Variants in MSH3 observed in about 807,000 individuals in gnomAD.
MSH3 encodes DNA mismatch repair protein Msh3.
In MSH3, 106 loss-of-function variants were observed where a neutral mutation model predicts 123.3. The ratio of observed to expected loss-of-function variants is 0.86; its 90% confidence interval spans 0.73 to 1.01. MSH3 has a LOEUF of 1.01. MSH3 is among the 50% of genes least tolerant of loss of function. The pLI is 0.00. For synonymous variants in MSH3, 515 were observed against 481.4 expected (o/e 1.07, Z -0.91); for missense variants, 1,459 against 1,347.6 (o/e 1.08, Z -1.29).
chr5:80,802,189 G>A, intron 19 of MSH3, among the ~76,000 whole-genome samples: 1 of 151,640 alleles, frequency 6.6e-6, no homozygotes, highest in Non-Finnish European at 1.5e-5. Context: ...TTTTTTTTAA[G>A]AAATAGCCAT....
intron 19 of MSH3, among the ~76,000 whole-genome samples, chr5:80,797,203 T>A (rs1441708636): frequency 1.3e-5 from 2 of 152,028 alleles, no homozygotes; most frequent in Non-Finnish European, 2.9e-5. Flanking sequence ...CCCTCGCCAC[T>A]CTATTTCTCC....
chr5:80,729,924 G>A (rs1262921877), intron 10 of MSH3, among the ~76,000 whole-genome samples: 1 of 152,130 alleles, frequency 6.6e-6, no homozygotes, highest in Non-Finnish European at 1.5e-5. Context: ...AGGGGAGATA[G>A]GTGCTATCTC....
intron 19 of MSH3, among the ~76,000 whole-genome samples, chr5:80,800,944 G>T (rs1744779774): frequency 1.3e-5 from 2 of 152,200 alleles, no homozygotes; most frequent in African/African-American, 4.8e-5. Flanking sequence ...TGTAGATTGG[G>T]TGGTCAAGGA....
rs1475633334 is a variant in MSH3 at position 80,672,808 on chromosome 5, TTTCCCGG to T, written c.978_984del (p.Phe326LeufsTer3). Reference sequence around the variant, plus strand: ...ATTGGAGACAACAGAAGTTCACTCTTTTCCCGGAAATTGACTGCCCTTTATACAAAAT... The same window carrying T: ...ATTGGAGACAACAGAAGTTCACTCTTAAATTGACTGCCCTTTATACAAAAT... On this transcript the variant is annotated frameshift_variant, in exon 6 of 24. Coordinates refer to ENST00000265081, the MANE Select transcript of MSH3 (RefSeq NM_002439.5). LOFTEE classifies it high-confidence loss of function. 3 of 1,614,048 alleles carry T rather than the reference TTTCCCGG, an allele frequency of 1.9e-6. No homozygotes were observed. Among genetic ancestry groups the T allele is most frequent in the Admixed American group, 3.3e-5 (2 of 60,014 alleles).
At chr5:80,828,809 T>G (rs1422139078) in intron 20 of MSH3, among the ~76,000 whole-genome samples, 1 of 152,194 alleles carries the variant, frequency 6.6e-6, no homozygotes, top group Non-Finnish European at 1.5e-5. Flanking sequence ...TTCCATGTCT[T>G]GCTTCCTAGA....
intron 8 of MSH3, among the ~76,000 whole-genome samples, chr5:80,712,749 G>C (rs1750883915): frequency 6.6e-6 from 1 of 150,734 alleles, no homozygotes; most frequent in African/African-American, 2.4e-5. Flanking sequence ...TTCACGATGT[G>C]ATCTGTTTTC....
chr5:80,705,777 C>T (rs1313274216), intron 8 of MSH3, among the ~76,000 whole-genome samples: 1 of 152,206 alleles, frequency 6.6e-6, no homozygotes, highest in Non-Finnish European at 1.5e-5. Flanking sequence ...TTCATATCGT[C>T]TTTCCTCCAT....
intron 22 of MSH3, among the ~76,000 whole-genome samples, chr5:80,865,681 G>A (rs245340): frequency 6.6e-6 from 1 of 151,946 alleles, no homozygotes; most frequent in Non-Finnish European, 1.5e-5. Context: ...CTGTTCAGTA[G>A]TAATTGTTTT....
chr5:80,873,730 A>G (rs1448379362), intron 23 of MSH3, among the ~76,000 whole-genome samples: 1 of 152,214 alleles, frequency 6.6e-6, no homozygotes, highest in Non-Finnish European at 1.5e-5. Context: ...GTCAGTATCC[A>G]CATGTCACTT....
At chr5:80,787,164 C>T (rs372736873) in intron 17 of MSH3, among the ~76,000 whole-genome samples, 44 of 152,046 alleles carry the variant, frequency 2.9e-4, no homozygotes, top group Admixed American at 1.0e-3. Flanking sequence ...ACTGTTATTC[C>T]GGATTTGGAG....
At chr5:80,668,536 A>G (rs575848872) in intron 3 of MSH3, among the ~76,000 whole-genome samples, 13 of 152,302 alleles carry the variant, frequency 8.5e-5, no homozygotes, top group Non-Finnish European at 1.3e-4. Flanking sequence ...GGGGGCTGGC[A>G]TGTTAGCACT....
At chr5:80,697,217 A>T (rs1354668833) in intron 8 of MSH3, among the ~76,000 whole-genome samples, 1 of 152,180 alleles carries the variant, frequency 6.6e-6, no homozygotes, top group Non-Finnish European at 1.5e-5. Context: ...TACCAAGTGG[A>T]TTCAGAGAGC....
intron 12 of MSH3, among the ~76,000 whole-genome samples, chr5:80,753,953 C>T (rs1743880663): frequency 6.6e-6 from 1 of 152,182 alleles, no homozygotes; most frequent in Admixed American, 6.6e-5. Context: ...CCGATGGTCA[C>T]AGCTTACTGC....
intron 19 of MSH3, among the ~76,000 whole-genome samples, chr5:80,793,463 G>C (rs548133744): frequency 5.3e-5 from 8 of 152,324 alleles, no homozygotes; most frequent in African/African-American, 1.9e-4. Context: ...TGCATGGCAT[G>C]ATAGAGGAGA....
intron 21 of MSH3, among the ~76,000 whole-genome samples, chr5:80,856,779 A>T (rs1233130903): frequency 1.3e-5 from 2 of 152,202 alleles, no homozygotes; most frequent in African/African-American, 4.8e-5. Context: ...CCTTGCTGTA[A>T]TCACTTACTA....
Position 80,768,968 on chromosome 5 carries a change from C to G in MSH3, c.2218C>G (p.Pro740Ala). 6.2e-7 allele frequency: 1 copy of G among 1,612,996 alleles called. No homozygotes were observed. The highest frequency in any genetic ancestry group is 8.5e-7 in the Non-Finnish European group (1 of 1,179,300). ...AGAAATACGAAAAATACTAAAAAAT[C>G]CTTCTGCACAATATGTGACAGTATC... ...LQEIRKILKN[P>A]SAQYVTVSGQ... Residue 740 changes from proline (P) to alanine (A), a missense_variant, in exon 15 of 24, where the codon CCT becomes GCT. Pro to Ala is a conservative substitution (Grantham distance 27, BLOSUM62 -1). Transcript: ENST00000265081.
At chr5:80,713,502 T>TG (rs11459232) in intron 8 of MSH3, among the ~76,000 whole-genome samples, 34,519 of 152,132 alleles carry the variant, frequency 0.23, 4,101 homozygotes, top group Non-Finnish European at 0.27. Context: ...GTTGCCACCT[T>TG]GGGAGGAGCA....
chr5:80,681,441 TTTATC>T (rs1365563038), intron 8 of MSH3, among the ~76,000 whole-genome samples: 7 of 151,970 alleles, frequency 4.6e-5, no homozygotes, highest in African/African-American at 1.4e-4. Flanking sequence ...TTTTCAGGAA[TTTATC>T]TTAAGGAAAT....
At chr5:80,774,876 A>G (rs1320430663) in intron 15 of MSH3, among the ~76,000 whole-genome samples, 2 of 152,188 alleles carry the variant, frequency 1.3e-5, no homozygotes, top group Non-Finnish European at 2.9e-5. Context: ...AACCAGAAAG[A>G]ATGAATAAAA....
Sources: gnomAD v4.1 joint callset for allele counts (sites outside exome capture counted in the v4.1 genomes callset) on GRCh38, gnomAD v4.1.1 for gene constraint, MANE v1.5 for transcripts, NCBI Gene and HGNC (gene_info 2026-07-23, HGNC 2026-07-21) for gene names.